Variants in PRKG1 observed in about 807,000 individuals in gnomAD.
PRKG1 encodes cGMP-dependent protein kinase 1.
PRKG1 carries 35 observed loss-of-function variants against 88.1 expected under a neutral mutation model. The observed-to-expected ratio is 0.40, with a 90% CI of 0.30 to 0.53. PRKG1 has a LOEUF of 0.53. Among genes scored for constraint, PRKG1 ranks in the 20% least tolerant of loss-of-function variants. The probability of loss-of-function intolerance (pLI) is 0.59; values close to 1 mark genes in which losing one functional copy is unlikely to be tolerated. For synonymous variants in PRKG1, 303 were observed against 292.5 expected, an observed-to-expected ratio of 1.04 and a Z score of -0.37; for missense variants, 540 against 839.8, an observed-to-expected ratio of 0.64 and a Z score of 4.41.
chr10:52,283,799 G>C (rs1842053352), intron 14 of PRKG1, among the ~76,000 whole-genome samples: 1 of 151,988 alleles, frequency 6.6e-6, no homozygotes, highest in South Asian at 2.1e-4. Flanking sequence ...TAGGCAGAGA[G>C]ATAGATAAAA....
chr10:51,992,471 G>A (rs1844337960), intron 5 of PRKG1, among the ~76,000 whole-genome samples: 1 of 152,038 alleles, frequency 6.6e-6, no homozygotes, highest in Admixed American at 6.6e-5. Context: ...GCACCGGTAA[G>A]ACCTCCGTAA....
chr10:51,463,950 T>G (rs539714439), intron 2 of PRKG1, among the ~76,000 whole-genome samples: 2 of 152,318 alleles, frequency 1.3e-5, no homozygotes, highest in Admixed American at 1.3e-4. Context: ...TGTTTATCAT[T>G]TATGTCTTTC....
chr10:51,228,144 C>T (rs1386292207), intron 2 of PRKG1, among the ~76,000 whole-genome samples: 1 of 152,160 alleles, frequency 6.6e-6, no homozygotes, highest in Non-Finnish European at 1.5e-5. Flanking sequence ...CTAGCATTCT[C>T]ATTTGTGCAT....
chr10:51,933,424 C>G (rs1355396553), intron 5 of PRKG1, among the ~76,000 whole-genome samples: 1 of 152,022 alleles, frequency 6.6e-6, no homozygotes, highest in East Asian at 1.9e-4. Context: ...GATGCGCCAA[C>G]AATCATTTTT....
At chr10:51,320,406 C>G (rs1317999758) in intron 2 of PRKG1, 2 of 157,284 alleles carry the variant, frequency 1.3e-5, no homozygotes, top group African/African-American at 4.8e-5. Context: ...ACTGCCTGAC[C>G]CTTCTGCTCC....
intron 7 of PRKG1, among the ~76,000 whole-genome samples, chr10:52,117,164 CTGTGTGTGTGTGTGTGTGTGTG>C (rs71459438): frequency 7.2e-6 from 1 of 139,200 alleles, no homozygotes; most frequent in African/African-American, 2.7e-5. Flanking sequence ...TGTGAAATAT[CTGTGTGTGTGTGTGTGTGTGTG>C]TGTGTGTGTG....
chr10:51,077,910 A>G (rs1345394511), intron 1 of PRKG1, among the ~76,000 whole-genome samples: 1 of 152,232 alleles, frequency 6.6e-6, no homozygotes, highest in Non-Finnish European at 1.5e-5. Flanking sequence ...CTAAGCATTC[A>G]TTATGTGAGA....
chr10:51,412,447 A>G (rs1838120349), intron 2 of PRKG1, among the ~76,000 whole-genome samples: 1 of 119,836 alleles, frequency 8.3e-6, no homozygotes, highest in South Asian at 2.7e-4. Context: ...GTTCAAGATC[A>G]GCCTGGCCAA....
chr10:51,456,411 C>G (rs1839586868), intron 2 of PRKG1, among the ~76,000 whole-genome samples: 1 of 152,052 alleles, frequency 6.6e-6, no homozygotes, highest in Non-Finnish European at 1.5e-5. Context: ...AAACTGGATC[C>G]TCATCTCTCA....
At chr10:51,767,319 G>A (rs114652087) in intron 3 of PRKG1, among the ~76,000 whole-genome samples, 1 of 151,994 alleles carries the variant, frequency 6.6e-6, no homozygotes, top group Non-Finnish European at 1.5e-5. Flanking sequence ...AGACTAAATA[G>A]TATGTAGAAT....
intron 3 of PRKG1, among the ~76,000 whole-genome samples, chr10:51,599,531 T>C (rs576333595): frequency 1.3e-5 from 2 of 152,330 alleles, no homozygotes; most frequent in South Asian, 4.1e-4. Context: ...AATTTTGGCC[T>C]TAATAATTAT....
At chr10:51,425,256 A>T (rs116319472) in intron 2 of PRKG1, among the ~76,000 whole-genome samples, 3,282 of 152,294 alleles carry the variant, frequency 0.022, 109 homozygotes, top group African/African-American at 0.074. Flanking sequence ...ACAAATTATT[A>T]ATGTTTCTGA....
chr10:51,255,653 C>T (rs964306548), intron 2 of PRKG1, among the ~76,000 whole-genome samples: 1 of 152,036 alleles, frequency 6.6e-6, no homozygotes, highest in East Asian at 1.9e-4. Flanking sequence ...GAGAGTCGTT[C>T]TTTCCTGCAC....
At chr10:51,307,971 A>T (rs1413422843) in intron 2 of PRKG1, among the ~76,000 whole-genome samples, 4 of 152,198 alleles carry the variant, frequency 2.6e-5, no homozygotes, top group Admixed American at 6.6e-5. Context: ...GATTATGTCT[A>T]TTGAGCTCCA....
At chr10:52,172,772 T>C (rs1838741643) in intron 9 of PRKG1, among the ~76,000 whole-genome samples, 1 of 152,176 alleles carries the variant, frequency 6.6e-6, no homozygotes. Flanking sequence ...AGAGCAAGGC[T>C]AGAAGTGCTG....
intron 2 of PRKG1, among the ~76,000 whole-genome samples, chr10:51,395,566 T>G (rs978315969): frequency 2.0e-5 from 3 of 152,158 alleles, no homozygotes; most frequent in Non-Finnish European, 4.4e-5. Context: ...AAAGAAGTTA[T>G]GGGCAGGAGG....
chr10:52,147,194 C>T (rs192927184), intron 8 of PRKG1, among the ~76,000 whole-genome samples: 4 of 151,792 alleles, frequency 2.6e-5, no homozygotes, highest in South Asian at 2.1e-4. Flanking sequence ...CAACAAGGTA[C>T]CTAAAGAAAG....
intron 1 of PRKG1, among the ~76,000 whole-genome samples, chr10:51,091,739 C>T (rs1044484789): frequency 1.3e-5 from 2 of 152,090 alleles, no homozygotes; most frequent in Non-Finnish European, 2.9e-5. Flanking sequence ...AGCAGGTTGC[C>T]ATTTATAGAA....
At chr10:51,575,316 C>T (rs921333726) in intron 3 of PRKG1, among the ~76,000 whole-genome samples, 4 of 151,900 alleles carry the variant, frequency 2.6e-5, no homozygotes, top group East Asian at 1.9e-4. Flanking sequence ...AATATACTAG[C>T]GTAAGATTCC....
Sources: allele counts gnomAD v4.1 joint callset (sites outside exome capture counted in the v4.1 genomes callset), GRCh38; gene constraint gnomAD v4.1.1; transcripts MANE v1.5; gene names NCBI Gene and HGNC (gene_info 2026-07-23, HGNC 2026-07-21).